PTPRO: variants seen among roughly 807,000 people sequenced by gnomAD.
PTPRO encodes the protein protein tyrosine phosphatase receptor type O.
A neutral mutation model predicts 145.2 loss-of-function variants in PTPRO; 62 were observed. That is an observed-to-expected ratio of 0.43 (90% CI 0.35 to 0.53). The LOEUF (loss-of-function observed/expected upper bound fraction) is 0.53, where lower values mean the gene tolerates loss of function less well. PTPRO is among the 20% of genes least tolerant of loss of function. PTPRO has a pLI of 0.01. For missense variants in PTPRO, 1,345 were observed against 1,482.7 expected (o/e 0.91, Z 1.53); for synonymous variants, 565 against 514.7 (o/e 1.10, Z -1.32).
At chr12:15,447,757 T>G (rs1333832102) in intron 1 of PTPRO, among the ~76,000 whole-genome samples, 1 of 8,882 alleles carries the variant, frequency 1.1e-4, no homozygotes, top group Non-Finnish European at 0.021. Context: ...TCTTATAGTC[T>G]TTGAACAAAA....
At chr12:15,342,617 G>A (rs1025868966) in intron 1 of PTPRO, among the ~76,000 whole-genome samples, 2 of 152,136 alleles carry the variant, frequency 1.3e-5, no homozygotes, top group Admixed American at 6.5e-5. Flanking sequence ...GCCCTCACAG[G>A]TGTTGCTCAG....
chr12:15,525,853 C>G (rs1057225078), intron 11 of PTPRO, among the ~76,000 whole-genome samples: 1 of 152,130 alleles, frequency 6.6e-6, no homozygotes, highest in Non-Finnish European at 1.5e-5. Context: ...TTTCTAAAAC[C>G]TGTTATCAAT....
intron 25 of PTPRO, among the ~76,000 whole-genome samples, chr12:15,591,461 G>A (rs1944551533): frequency 1.3e-5 from 2 of 152,030 alleles, no homozygotes; most frequent in African/African-American, 4.8e-5. Flanking sequence ...TCTTTCACAT[G>A]ACACATCCTC....
chr12:15,513,209 GAA>G lies in PTPRO; in HGVS notation c.1465-2287_1465-2286del, dbSNP rs1462958313. On this transcript the variant is annotated intron_variant, in intron 7 of 26. Transcript: ENST00000281171. ...AGAAAGAAAGAAAGAAAGAAAGAAA[GAA>G]AGAAAGAAAGAAAGAAAAGAAAGAA... is the stretch of plus-strand genomic sequence containing the variant. Among the ~76,000 whole-genome samples the G allele has an allele frequency of 2.7e-4, 32 of 118,856 alleles. 1 individual carries two copies. Among genetic ancestry groups the G allele is most frequent in the African/African-American group, 1.1e-3 (31 of 29,458 alleles). 78.0% of individuals were successfully genotyped at this position (118,856 alleles called of 152,430 possible).
chr12:15,460,863 C>G (rs1053802684), intron 1 of PTPRO, among the ~76,000 whole-genome samples: 1 of 152,156 alleles, frequency 6.6e-6, no homozygotes, highest in Non-Finnish European at 1.5e-5. Flanking sequence ...AAGGTCTTTT[C>G]CCACGCAGAA....
At chr12:15,389,751 C>T (rs552846242) in intron 1 of PTPRO, among the ~76,000 whole-genome samples, 7 of 152,236 alleles carry the variant, frequency 4.6e-5, no homozygotes, top group African/African-American at 1.4e-4. Flanking sequence ...ATCTACCCAA[C>T]GAATGTAGGT....
intron 25 of PTPRO, among the ~76,000 whole-genome samples, chr12:15,594,618 C>T (rs530757014): frequency 6.6e-6 from 1 of 151,772 alleles, no homozygotes; most frequent in Non-Finnish European, 1.5e-5. Context: ...TTGTGGTAAT[C>T]ATTTCATAAC....
intron 21 of PTPRO, 132 bp downstream of exon 21, chr12:15,580,247 C>T: frequency 1.4e-6 from 1 of 716,860 alleles, no homozygotes; most frequent in Non-Finnish European, 2.4e-6. Flanking sequence ...AAAAAGTTTG[C>T]ATTACTCCGT....
rs751501495 is a variant in PTPRO, at chr12:15,516,809, G to C, written c.1632G>C (p.Thr544=). 54 of 1,612,122 alleles carry C rather than the reference G, an allele frequency of 3.3e-5. No homozygotes were observed. The highest frequency in any genetic ancestry group is 6.7e-5 in the Admixed American group (4 of 60,004). Residue 544 remains threonine, a synonymous_variant, in exon 9 of 27, where the codon ACG becomes ACC. Coordinates refer to ENST00000281171, the MANE Select transcript of PTPRO (RefSeq NM_030667.3). The part of the protein sequence containing the change: ...KDLMLYPLGP[T]AVVLSWTRPY... Reference sequence around the variant, plus strand: ...TAATGCTCTATCCTTTGGGTCCTACGGCCGTGGTTCTGAGCTGGACCAGAC... The same window carrying C: ...TAATGCTCTATCCTTTGGGTCCTACCGCCGTGGTTCTGAGCTGGACCAGAC...
Position 15,515,502 on chromosome 12 carries a change from A to C in PTPRO, c.1469A>C (p.Asn490Thr), listed in dbSNP as rs1293597074. The change falls in exon 8 of 27, where the codon AAC becomes ACC. Residue 490 changes from asparagine (N) to threonine (T), a missense_variant. Physicochemically the swap from Asn to Thr is moderately conservative, Grantham distance 65. Coordinates refer to ENST00000281171, the MANE Select transcript of PTPRO (RefSeq NM_030667.3). ...TATTGGGTGTTTGGTTTAAAGGTGA[A>C]CTCAAGCAAACCTATTATTGAAAAT... Reference protein sequence around the residue: ...RLEKQYCTQVNSSKPIIENLV... With the variant: ...RLEKQYCTQVTSSKPIIENLV... 1.9e-6 allele frequency: 3 copies of C among 1,613,882 alleles called. No individual in the cohort carries two copies. The highest frequency in any genetic ancestry group is 2.5e-6 in the Non-Finnish European group (3 of 1,179,878).
chr12:15,448,223 A>G (rs1940951621), intron 1 of PTPRO, among the ~76,000 whole-genome samples: 1 of 151,434 alleles, frequency 6.6e-6, no homozygotes, highest in Non-Finnish European at 1.5e-5. Flanking sequence ...CTTACACTGT[A>G]TGTTAAAAAT....
chr12:15,561,234 T>C (rs575131766), intron 17 of PTPRO, among the ~76,000 whole-genome samples: 4 of 152,072 alleles, frequency 2.6e-5, no homozygotes, highest in African/African-American at 9.6e-5. Flanking sequence ...AAATATCTCA[T>C]AGACTGGAAA....
intron 1 of PTPRO, among the ~76,000 whole-genome samples, chr12:15,374,821 C>T (rs912066310): frequency 2.6e-5 from 4 of 152,110 alleles, no homozygotes; most frequent in African/African-American, 7.2e-5. Flanking sequence ...CTTTGTAAAG[C>T]CCTGACATAT....
At chr12:15,537,027 C>T (rs1233071484) in intron 12 of PTPRO, among the ~76,000 whole-genome samples, 3 of 152,052 alleles carry the variant, frequency 2.0e-5, no homozygotes, top group Non-Finnish European at 4.4e-5. Flanking sequence ...GTAAAAGCAG[C>T]CTAGAGACAC....
intron 7 of PTPRO, 143 bp from the exon 8 acceptor site, chr12:15,515,355 G>A: frequency 9.4e-7 from 1 of 1,067,332 alleles, no homozygotes; most frequent in Middle Eastern, 3.1e-4. Flanking sequence ...TCCTAATTTT[G>A]GAATCTGACA....
intron 1 of PTPRO, among the ~76,000 whole-genome samples, chr12:15,361,370 C>A (rs1191329804): frequency 1.4e-5 from 2 of 140,546 alleles, no homozygotes; most frequent in Non-Finnish European, 3.0e-5. Context: ...ACCTGGGAGG[C>A]GAAGGTTGCA....
intron 11 of PTPRO, 91 bp from the exon 12 acceptor site, chr12:15,526,051 G>C: frequency 6.9e-7 from 1 of 1,459,064 alleles, no homozygotes; most frequent in Non-Finnish European, 9.6e-7. Context: ...AACAGAGAGG[G>C]AATGTGTCTG....
At chr12:15,458,049 G>A (rs10772852) in intron 1 of PTPRO, among the ~76,000 whole-genome samples, 132,697 of 152,190 alleles carry the variant, frequency 0.87, 60,221 homozygotes, top group Non-Finnish European at 0.99. Context: ...TCCGGTAGTG[G>A]TGAATTTCCT....
chr12:15,395,782 T>C (rs1337451742), intron 1 of PTPRO, among the ~76,000 whole-genome samples: 2 of 150,232 alleles, frequency 1.3e-5, no homozygotes, highest in Non-Finnish European at 3.0e-5. Context: ...TGTTCCTTAA[T>C]ATATGACAGC....
Sources: allele counts gnomAD v4.1 joint callset (sites outside exome capture counted in the v4.1 genomes callset), GRCh38; gene constraint gnomAD v4.1.1; transcripts MANE v1.5; gene names NCBI Gene and HGNC (gene_info 2026-07-23, HGNC 2026-07-21).